Variants in TNNI3K observed in about 807,000 individuals in gnomAD.
TNNI3K encodes the protein serine/threonine-protein kinase TNNI3K.
TNNI3K carries 140 observed loss-of-function variants against 114.5 expected under a neutral mutation model. The ratio of observed to expected loss-of-function variants is 1.22; its 90% CI spans 1.07 to 1.41. The LOEUF is 1.41. TNNI3K is among the 40% of genes most tolerant of loss of function. The pLI is 0.00. For missense variants in TNNI3K, 1,125 were observed against 1,007.6 expected (o/e 1.12, Z -1.58); for synonymous variants, 347 against 347.5 (o/e 1.00, Z 0.02).
chr1:74,511,265 T>C (rs1670206581), intron 23 of TNNI3K, among the ~76,000 whole-genome samples: 2 of 151,762 alleles, frequency 1.3e-5, no homozygotes, highest in African/African-American at 4.8e-5. Context: ...CGATCTCGGC[T>C]CACCACAACC....
In TNNI3K at chr1:74,369,044, A is replaced by G; in HGVS notation, c.1344A>G (p.Leu448=). 1 of 1,607,110 alleles carries G rather than the reference A, an allele frequency of 6.2e-7. No homozygotes were observed. Among genetic ancestry groups the G allele is most frequent in the Non-Finnish European group, 8.5e-7 (1 of 1,177,378 alleles). Residue 448 remains leucine (L), a synonymous_variant, in exon 14 of 25, where the codon CTA becomes CTG. Coordinates refer to ENST00000326637, the MANE Select transcript of TNNI3K (RefSeq NM_015978.3). ...MTKEKADILL[L]RAGLPSHFHL... The stretch of plus-strand genomic sequence containing the variant: ...CAGAGAAGGCAGATATTCTCCTCCT[A>G]AGAGCTGGATTGCCTTCACATTTCC...
At chr1:74,278,017 A>G (rs1656785621) in intron 5 of TNNI3K, among the ~76,000 whole-genome samples, 1 of 152,160 alleles carries the variant, frequency 6.6e-6, no homozygotes, top group Non-Finnish European at 1.5e-5. Context: ...TTCAGTAGAG[A>G]ATTTTGTTTA....
At position 74,375,356 on chromosome 1, in the gene TNNI3K, A is replaced by G. The variant is rs904615583; in HGVS notation, c.1772+4964A>G. 5.7e-5 allele frequency: 12 copies of G among 210,250 alleles called. No individual in the cohort carries two copies. In the South Asian group the frequency reaches 7.7e-4, roughly 14 times the overall value. 13.0% of individuals were successfully genotyped at this position (210,250 alleles called of 1,614,324 possible). A position where few individuals can be genotyped will look rare whatever the true frequency, so the allele number is the denominator to read the frequency against. On this transcript the variant is annotated intron_variant, in intron 17 of 24. Transcript: ENST00000326637. ...TAACTTTGGGAGGAACTTGAAACTA[A>G]GACAATAATAGCCCTTTCACAAAAC...
intron 4 of TNNI3K, among the ~76,000 whole-genome samples, chr1:74,255,348 C>T (rs1232490584): frequency 3.1e-5 from 3 of 98,172 alleles, no homozygotes; most frequent in South Asian, 3.9e-4. Context: ...AGCGAGACTC[C>T]GTCTCAAAAA....
chr1:74,500,905 C>T (rs1669591881), intron 23 of TNNI3K, among the ~76,000 whole-genome samples: 1 of 151,782 alleles, frequency 6.6e-6, no homozygotes, highest in South Asian at 2.1e-4. Context: ...TCTTCTTTAT[C>T]TTTGGTATCC....
chr1:74,401,795 T>C (rs1259636266), intron 17 of TNNI3K: 1 of 446,200 alleles, frequency 2.2e-6, no homozygotes, highest in Non-Finnish European at 4.5e-6. Context: ...TTAATTCAAA[T>C]CTCTTCTTAT....
At chr1:74,480,650 A>T (rs1306515090) in intron 21 of TNNI3K, 2 of 717,266 alleles carry the variant, frequency 2.8e-6, no homozygotes, top group East Asian at 2.7e-5. Context: ...ATCCAGCTGG[A>T]GCCGGGTCAG....
chr1:74,312,624 G>T (rs1039885463), intron 5 of TNNI3K, among the ~76,000 whole-genome samples: 1 of 152,180 alleles, frequency 6.6e-6, no homozygotes, highest in Non-Finnish European at 1.5e-5. Flanking sequence ...TAAAACAGGA[G>T]GCTGACTTCT....
At chr1:74,504,649 T>A (rs1490301883) in intron 23 of TNNI3K, among the ~76,000 whole-genome samples, 1 of 152,088 alleles carries the variant, frequency 6.6e-6, no homozygotes, top group South Asian at 2.1e-4. Context: ...AAAAAAAATT[T>A]AAGTACCTGG....
At chr1:74,406,086 TC>T (rs1664598854) in intron 17 of TNNI3K, among the ~76,000 whole-genome samples, 1 of 152,212 alleles carries the variant, frequency 6.6e-6, no homozygotes, top group Non-Finnish European at 1.5e-5. Context: ...ATTGGGAGGC[TC>T]TTGCTGGAAA....
At chr1:74,329,313 T>G (rs1307566148) in intron 5 of TNNI3K, among the ~76,000 whole-genome samples, 1 of 152,116 alleles carries the variant, frequency 6.6e-6, no homozygotes, top group East Asian at 1.9e-4. Context: ...TGATACATAA[T>G]AGTCCCTCAA....
chr1:74,291,748 A>G (rs1427846834), intron 5 of TNNI3K, among the ~76,000 whole-genome samples: 4 of 151,462 alleles, frequency 2.6e-5, no homozygotes, highest in Non-Finnish European at 5.9e-5. Flanking sequence ...TTTCATAAAG[A>G]TATTTTAAAT....
chr1:74,422,790 A>G (rs1013927905), intron 17 of TNNI3K, among the ~76,000 whole-genome samples: 3 of 152,150 alleles, frequency 2.0e-5, no homozygotes, highest in African/African-American at 7.2e-5. Flanking sequence ...TTCTTTAGGA[A>G]CAAAATGTTC....
At chr1:74,292,317 A>G (rs966781045) in intron 5 of TNNI3K, among the ~76,000 whole-genome samples, 4 of 151,476 alleles carry the variant, frequency 2.6e-5, no homozygotes, top group African/African-American at 9.7e-5. Context: ...TGCATAGCTT[A>G]GCTTATTAAT....
At chr1:74,245,215 T>G (rs182830646) in intron 2 of TNNI3K, among the ~76,000 whole-genome samples, 62 of 152,340 alleles carry the variant, frequency 4.1e-4, no homozygotes, top group African/African-American at 1.4e-3. Context: ...AACTTCTGCC[T>G]GAAGCAAAGT....
chr1:74,411,935 A>G (rs1453975111), intron 17 of TNNI3K, among the ~76,000 whole-genome samples: 1 of 152,286 alleles, frequency 6.6e-6, no homozygotes, highest in African/African-American at 2.4e-5. Context: ...GTTGTTTGTT[A>G]TTAAGAAATA....
In TNNI3K at chr1:74,460,219, C is replaced by A. The variant is rs1018722043; in HGVS notation, c.2012-3222C>A. On this transcript the variant is annotated intron_variant, in intron 20 of 24. Transcript: ENST00000326637. ...AGTAGCTGGGACTACAGGCGCCAGC[C>A]ACCACGTCCAGCTAATTTTTTGTGT... Among the ~76,000 whole-genome samples, 7 of 152,088 alleles carry A rather than the reference C, an allele frequency of 4.6e-5. No homozygotes were observed. In the East Asian group the frequency reaches 1.4e-3, roughly 29 times the overall value.
chr1:74,390,256 G>A (rs936133332), intron 17 of TNNI3K, among the ~76,000 whole-genome samples: 3 of 152,126 alleles, frequency 2.0e-5, no homozygotes, highest in Non-Finnish European at 4.4e-5. Flanking sequence ...GTCTGGGTAA[G>A]ATTGAGTATT....
intron 23 of TNNI3K, among the ~76,000 whole-genome samples, chr1:74,539,191 G>T (rs10890130): frequency 0.5 from 76,560 of 151,922 alleles, 20,266 homozygotes; most frequent in East Asian, 0.73. Flanking sequence ...AGAGCTAAAA[G>T]GACTTGAATT....
Sources: gnomAD v4.1 joint callset for allele counts (sites outside exome capture counted in the v4.1 genomes callset) on GRCh38, gnomAD v4.1.1 for gene constraint, MANE v1.5 for transcripts, NCBI Gene and HGNC (gene_info 2026-07-23, HGNC 2026-07-21) for gene names.